The following CTNNA3 variants were observed in gnomAD, a reference collection of about 807,000 sequenced individuals.
CTNNA3 encodes the protein catenin alpha-3.
In CTNNA3, 76 loss-of-function variants were observed where a neutral mutation model predicts 95.7. The observed-to-expected ratio is 0.79, with a 90% confidence interval of 0.66 to 0.96. The LOEUF (loss-of-function observed/expected upper bound fraction) is 0.96. Among genes scored for constraint, CTNNA3 ranks in the 40% least tolerant of loss-of-function variants. The probability of loss-of-function intolerance (pLI) is 0.00; values close to 1 mark genes in which losing one functional copy is unlikely to be tolerated. For missense variants in CTNNA3, 1,191 were observed against 1,089.8 expected (o/e 1.09, Z -1.31); for synonymous variants, 431 against 374.4 (o/e 1.15, Z -1.74).
rs1403542106 is a variant in CTNNA3 at position 66,360,806 on chromosome 10, TTCCTTCCTTC to T, written c.1732+18336_1732+18345del. Among the ~76,000 whole-genome samples the T allele has an allele frequency of 3.5e-3, 290 of 82,620 alleles. 26 individuals are homozygous for T. The highest frequency in any genetic ancestry group is 7.4e-3 in the East Asian group (20 of 2,706). 54.2% of individuals were successfully genotyped at this position (82,620 alleles called of 152,430 possible). On this transcript the variant is annotated intron_variant, in intron 12 of 17. Coordinates refer to ENST00000433211, the MANE Select transcript of CTNNA3 (RefSeq NM_013266.4). ...CTTTCTTCCTTCCTTCCTTCCTTCC[TTCCTTCCTTC>T]CTTTCTTTCTTTCTTTCTTTCTTTC...
At chr10:67,684,120 A>T (rs1456982903) in intron 1 of CTNNA3, among the ~76,000 whole-genome samples, 2 of 152,136 alleles carry the variant, frequency 1.3e-5, no homozygotes, top group African/African-American at 2.4e-5. Context: ...CATCCTGCTG[A>T]TTGGTCCATT....
chr10:66,156,122 G>T (rs983062278), intron 13 of CTNNA3, among the ~76,000 whole-genome samples: 1 of 151,880 alleles, frequency 6.6e-6, no homozygotes, highest in African/African-American at 2.4e-5. Context: ...GTAGACAGAA[G>T]TTAGACTGGT....
At chr10:67,550,263 G>A (rs549293370) in intron 3 of CTNNA3, among the ~76,000 whole-genome samples, 2 of 152,182 alleles carry the variant, frequency 1.3e-5, no homozygotes, top group African/African-American at 4.8e-5. Flanking sequence ...ATATGCCTCA[G>A]TTAAATAGTT....
At chr10:67,543,863 T>C (rs1345367043) in intron 3 of CTNNA3, among the ~76,000 whole-genome samples, 1 of 152,196 alleles carries the variant, frequency 6.6e-6, no homozygotes, top group Non-Finnish European at 1.5e-5. Context: ...TGAATTTAAC[T>C]TTTTAGCAGA....
chr10:66,479,927 G>A (rs1378203979), intron 11 of CTNNA3, among the ~76,000 whole-genome samples: 1 of 144,544 alleles, frequency 6.9e-6, no homozygotes, highest in African/African-American at 2.6e-5. Context: ...TTCACCACAA[G>A]ATAATTAAAA....
rs10996800 is a variant in CTNNA3 at position 65,974,511 on chromosome 10, G to A, written c.2266-7765C>T. On this transcript the variant is annotated intron_variant, in intron 16 of 17. Coordinates refer to ENST00000433211, the MANE Select transcript of CTNNA3 (RefSeq NM_013266.4). ...AGGAACAAAAACTCAAATACCATAT[G>A]TTCTTACATACAAGTAGGAGGTAAA... Among the ~76,000 whole-genome samples, 172 of 152,224 alleles carry A rather than the reference G, an allele frequency of 1.1e-3. 1 individual carries two copies. The East Asian group carries it at 0.026, about 23-fold the overall frequency.
At chr10:66,936,140 C>A (rs1232091873) in intron 7 of CTNNA3, among the ~76,000 whole-genome samples, 1 of 152,048 alleles carries the variant, frequency 6.6e-6, no homozygotes, top group Non-Finnish European at 1.5e-5. Context: ...ATGTAAAAAT[C>A]TACATATATT....
At position 66,868,496 on chromosome 10, in the gene CTNNA3, T is replaced by C. The variant is rs1054961017; in HGVS notation, c.1048-92972A>G. Among the ~76,000 whole-genome samples the C allele has an allele frequency of 1.4e-4, 21 of 152,056 alleles. 1 individual carries two copies. Among genetic ancestry groups the C allele is most frequent in the African/African-American group, 4.1e-4 (17 of 41,406 alleles). On this transcript the variant is annotated intron_variant, in intron 7 of 17. Transcript: ENST00000433211. ...GGCCAGGCACAGTTGGTCACGCCTG[T>C]AATCCCAGCACTTTGGGAGTCCGAG...
rs757510486 is a variant in CTNNA3 at position 66,726,416 on chromosome 10, G to C, written c.1281+39848C>G. Among the ~76,000 whole-genome samples the C allele has an allele frequency of 1.0e-3, 153 of 152,200 alleles. 1 individual carries two copies. Among genetic ancestry groups the C allele is most frequent in the Admixed American group, 1.2e-3 (18 of 15,280 alleles). On this transcript the variant is annotated intron_variant, in intron 9 of 17. Coordinates refer to ENST00000433211, the MANE Select transcript of CTNNA3 (RefSeq NM_013266.4). ...TGAATGCTACAACGTGGTTTGCTAAGCTAATTCAATAGGACTACATTAATA... is the reference window on the plus strand; with the variant it reads ...TGAATGCTACAACGTGGTTTGCTAACCTAATTCAATAGGACTACATTAATA...
chr10:66,226,488 T>C (rs1171752103), intron 13 of CTNNA3, among the ~76,000 whole-genome samples: 4 of 152,186 alleles, frequency 2.6e-5, no homozygotes, highest in African/African-American at 9.6e-5. Context: ...AGCAGTATTA[T>C]GCCTCTAGCT....
At chr10:65,949,009 A>G (rs552842105) in intron 17 of CTNNA3, among the ~76,000 whole-genome samples, 115 of 152,166 alleles carry the variant, frequency 7.6e-4, no homozygotes, top group African/African-American at 2.6e-3. Context: ...AAATTTTTAT[A>G]TTTTTCTTGA....
intron 5 of CTNNA3, among the ~76,000 whole-genome samples, chr10:67,359,919 C>CAAAG (rs1466483603): frequency 6.6e-6 from 1 of 151,814 alleles, no homozygotes; most frequent in Non-Finnish European, 1.5e-5. Context: ...TCTAAGTCAA[C>CAAAG]AAAGAAGGAA....
intron 2 of CTNNA3, among the ~76,000 whole-genome samples, chr10:67,635,901 C>T (rs187198518): frequency 2.6e-5 from 4 of 152,150 alleles, no homozygotes; most frequent in Admixed American, 6.6e-5. Flanking sequence ...TGACATGATC[C>T]TATATCTAGA....
At chr10:66,370,960 C>A (rs2092750165) in intron 12 of CTNNA3, among the ~76,000 whole-genome samples, 1 of 152,044 alleles carries the variant, frequency 6.6e-6, no homozygotes, top group Non-Finnish European at 1.5e-5. Context: ...TGGGTTCAAG[C>A]AGTCCTCTCA....
At chr10:67,404,278 T>C (rs1238152949) in intron 5 of CTNNA3, among the ~76,000 whole-genome samples, 2 of 152,024 alleles carry the variant, frequency 1.3e-5, no homozygotes, top group Non-Finnish European at 2.9e-5. Context: ...AGGAGCACTT[T>C]GCAACTCAAT....
Position 66,395,199 on chromosome 10 carries a change from T to C in CTNNA3, c.1532-15847A>G, listed in dbSNP as rs184476082. ...ATTAATTTTAAAGTCAAGTACAGCA[T>C]TCTTTTGCTGAAATTCATTTTTCTC... On this transcript the variant is annotated intron_variant, in intron 11 of 17. Transcript: ENST00000433211. Among the ~76,000 whole-genome samples the C allele has an allele frequency of 9.9e-5, 15 of 152,178 alleles. No individual in the cohort carries two copies. In the East Asian group the frequency reaches 2.7e-3, roughly 28 times the overall value.
chr10:65,987,800 A>G (rs1187510542), intron 16 of CTNNA3, among the ~76,000 whole-genome samples: 2 of 152,108 alleles, frequency 1.3e-5, no homozygotes, highest in Non-Finnish European at 1.5e-5. Context: ...CTGTCCACCA[A>G]TGAATGGATG....
rs61381172 is a variant in CTNNA3, at chr10:66,720,996, C to T, written c.1281+45268G>A. Among the ~76,000 whole-genome samples the T allele has an allele frequency of 7.3e-3, 1,112 of 152,272 alleles. 16 individuals carry two copies. Among genetic ancestry groups the T allele is most frequent in the African/African-American group, 0.026 (1,078 of 41,552 alleles). ...AAACAAAAGAGGCCCTTCACAGCCT[C>T]GGGGCAGACCCACAAATATTTTTAT... On this transcript the variant is annotated intron_variant, in intron 9 of 17. Transcript: ENST00000433211.
intron 10 of CTNNA3, among the ~76,000 whole-genome samples, chr10:66,580,412 T>A (rs1252576539): frequency 2.0e-5 from 3 of 151,786 alleles, no homozygotes; most frequent in Non-Finnish European, 4.4e-5. Context: ...ATCATTTCTT[T>A]GTGTTGGGAA....
Sources: gnomAD v4.1 joint callset for allele counts (sites outside exome capture counted in the v4.1 genomes callset) on GRCh38, gnomAD v4.1.1 for gene constraint, MANE v1.5 for transcripts, NCBI Gene and HGNC (gene_info 2026-07-23, HGNC 2026-07-21) for gene names.